The following CTDSPL2 variants were observed in gnomAD, a reference collection of about 807,000 sequenced individuals.
The protein encoded by CTDSPL2 is CTD small phosphatase-like protein 2.
CTDSPL2 carries 5 observed loss-of-function variants against 60.0 expected under a neutral mutation model. That is an observed-to-expected ratio of 0.08 (90% CI 0.04 to 0.18). CTDSPL2 has a LOEUF of 0.18. Among genes scored for constraint, CTDSPL2 ranks in the 10% least tolerant of loss-of-function variants. The pLI, the probability that CTDSPL2 is intolerant of heterozygous loss-of-function variation, is 1.00. For synonymous variants in CTDSPL2, 186 were observed against 189.3 expected, an observed-to-expected ratio of 0.98 and a Z score of 0.14; for missense variants, 370 against 548.8, an observed-to-expected ratio of 0.67 and a Z score of 3.26.
intron 2 of CTDSPL2, among the ~76,000 whole-genome samples, chr15:44,480,407 A>G (rs573931137): frequency 2.0e-5 from 3 of 152,084 alleles, no homozygotes; most frequent in Non-Finnish European, 4.4e-5. Flanking sequence ...GTTTGTTCTC[A>G]TCTGCTTGCA....
chr15:44,448,248 G>C, intron 1 of CTDSPL2: 1 of 295,384 alleles, frequency 3.4e-6, no homozygotes, highest in South Asian at 3.1e-5. Flanking sequence ...CGGAGCCACT[G>C]CGCTCCGTGA....
chr15:44,456,529 A>G (rs2080444447), intron 1 of CTDSPL2, among the ~76,000 whole-genome samples: 1 of 152,154 alleles, frequency 6.6e-6, no homozygotes, highest in African/African-American at 2.4e-5. Flanking sequence ...TTATTTGCAT[A>G]GAGGTGTTTA....
At chr15:44,515,734 G>A (rs1567104212) in intron 10 of CTDSPL2, among the ~76,000 whole-genome samples, 1 of 151,944 alleles carries the variant, frequency 6.6e-6, no homozygotes, top group Non-Finnish European at 1.5e-5. Flanking sequence ...TTAGGTGGGC[G>A]TGGTGGCGCA....
chr15:44,457,713 G>A (rs2080478311), intron 1 of CTDSPL2, among the ~76,000 whole-genome samples: 1 of 152,158 alleles, frequency 6.6e-6, no homozygotes, highest in Non-Finnish European at 1.5e-5. Context: ...CCGGGTTCAA[G>A]CAGTTCTCCT....
chr15:44,473,044 A>C (rs193276736), intron 2 of CTDSPL2, among the ~76,000 whole-genome samples: 1 of 152,126 alleles, frequency 6.6e-6, no homozygotes, highest in East Asian at 1.9e-4. Flanking sequence ...AGATCATCCT[A>C]CCTTGGCCTC....
chr15:44,456,878 G>C (rs9672525), intron 1 of CTDSPL2, among the ~76,000 whole-genome samples: 86 of 101,080 alleles, frequency 8.5e-4, no homozygotes, highest in Non-Finnish European at 1.2e-3. Flanking sequence ...TTTTTTTTTT[G>C]TTTTTTTTTC....
chr15:44,509,023 G>C (rs992460567), intron 8 of CTDSPL2, among the ~76,000 whole-genome samples: 2 of 152,122 alleles, frequency 1.3e-5, no homozygotes, highest in Non-Finnish European at 2.9e-5. Flanking sequence ...GGGTCATACT[G>C]TTAAAATTAT....
chr15:44,453,614 C>T (rs1021714953), intron 1 of CTDSPL2, among the ~76,000 whole-genome samples: 1 of 143,184 alleles, frequency 7.0e-6, no homozygotes, highest in African/African-American at 2.6e-5. Context: ...TGTGATATTC[C>T]CCTTCCTGTG....
chr15:44,487,376 A>T (rs560875220), intron 4 of CTDSPL2, among the ~76,000 whole-genome samples: 8 of 152,284 alleles, frequency 5.3e-5, no homozygotes, highest in Middle Eastern at 3.4e-3. Flanking sequence ...GAATGCTTCA[A>T]TCCAGCAGTT....
intron 4 of CTDSPL2, among the ~76,000 whole-genome samples, chr15:44,488,214 TTATA>T (rs2081154815): frequency 6.6e-6 from 1 of 152,160 alleles, no homozygotes; most frequent in African/African-American, 2.4e-5. Flanking sequence ...GATCTATGTT[TTATA>T]AAGATCACTT....
chr15:44,528,863 A>G lies in CTDSPL2; in HGVS notation c.*4689A>G, dbSNP rs1567111773. On this transcript the variant is annotated 3_prime_UTR_variant, in exon 13 of 13. Coordinates refer to ENST00000260327, the MANE Select transcript of CTDSPL2 (RefSeq NM_016396.3). ...TTAATATTCTCTCTGCCTTGTTTCCACGTGAATCAATATTAAAGTCATGGA... is the reference window on the plus strand; with the variant it reads ...TTAATATTCTCTCTGCCTTGTTTCCGCGTGAATCAATATTAAAGTCATGGA... 1 of 152,124 alleles carries G rather than the reference A, an allele frequency of 6.6e-6. No individual in the cohort carries two copies. The highest frequency in any genetic ancestry group is 1.5e-5 in the Non-Finnish European group (1 of 68,010). The allele number at this position is 152,124 out of a possible 1,614,324, so 9.4% of individuals were successfully genotyped here. A position where few individuals can be genotyped will look rare whatever the true frequency, so the allele number is the denominator to read the frequency against.
At chr15:44,480,222 C>G (rs1005463666) in intron 2 of CTDSPL2, among the ~76,000 whole-genome samples, 2 of 152,182 alleles carry the variant, frequency 1.3e-5, no homozygotes, top group Non-Finnish European at 2.9e-5. Flanking sequence ...AACTCCCCAA[C>G]TCCCCTCCCC....
intron 2 of CTDSPL2, among the ~76,000 whole-genome samples, chr15:44,466,543 A>T (rs2080695605): frequency 6.6e-6 from 1 of 152,218 alleles, no homozygotes; most frequent in Non-Finnish European, 1.5e-5. Flanking sequence ...TTTTGTCATC[A>T]TGTGAACATC....
intron 2 of CTDSPL2, among the ~76,000 whole-genome samples, chr15:44,463,601 A>AATTGT (rs1376158373): frequency 2.0e-5 from 3 of 152,252 alleles, no homozygotes; most frequent in Non-Finnish European, 2.9e-5. Context: ...GTGAAATCAC[A>AATTGT]ATTGTATTTT....
At position 44,452,765 on chromosome 15, in the gene CTDSPL2, G is replaced by A. The variant is rs1418825941; in HGVS notation, c.-24-6226G>A. Among the ~76,000 whole-genome samples, 5 of 151,976 alleles carry A rather than the reference G, an allele frequency of 3.3e-5. No individual in the cohort carries two copies. In the East Asian group the frequency reaches 5.8e-4, roughly 18 times the overall value. ...AGGTGTGAATTGGCATACCTTTGGGGTTTTAACTTAAAATTCTTATGAATA... is the reference window on the plus strand; with the variant it reads ...AGGTGTGAATTGGCATACCTTTGGGATTTTAACTTAAAATTCTTATGAATA... On this transcript the variant is annotated intron_variant, in intron 1 of 12. Coordinates refer to ENST00000260327, the MANE Select transcript of CTDSPL2 (RefSeq NM_016396.3).
At chr15:44,438,115 T>C (rs1320204498) in intron 1 of CTDSPL2, among the ~76,000 whole-genome samples, 1 of 152,096 alleles carries the variant, frequency 6.6e-6, no homozygotes, top group Non-Finnish European at 1.5e-5. Flanking sequence ...ATACAAAAAA[T>C]TAGCCAGGCG....
intron 2 of CTDSPL2, among the ~76,000 whole-genome samples, chr15:44,482,145 T>G (rs117995353): frequency 0.01 from 1,593 of 152,298 alleles, 19 homozygotes; most frequent in East Asian, 0.053. Context: ...TCTCTGGTGG[T>G]CCCAGTCGTT....
chr15:44,498,231 A>G (rs2081333583), intron 7 of CTDSPL2, among the ~76,000 whole-genome samples: 1 of 152,184 alleles, frequency 6.6e-6, no homozygotes, highest in Non-Finnish European at 1.5e-5. Flanking sequence ...GTCATATTGG[A>G]AAATATTTTA....
At chr15:44,434,197 C>T (rs942090572) in intron 1 of CTDSPL2, among the ~76,000 whole-genome samples, 4 of 151,976 alleles carry the variant, frequency 2.6e-5, no homozygotes, top group Admixed American at 6.6e-5. Context: ...GTCCAGAGAT[C>T]GAGATCATCC....
Sources: gnomAD v4.1 joint callset for allele counts (sites outside exome capture counted in the v4.1 genomes callset) on GRCh38, gnomAD v4.1.1 for gene constraint, MANE v1.5 for transcripts, NCBI Gene and HGNC (gene_info 2026-07-23, HGNC 2026-07-21) for gene names.